Variants in AP2B1 observed in about 807,000 individuals in gnomAD.
AP2B1 encodes the protein adaptor related protein complex 2 subunit beta 1.
Under a neutral mutation model 102.0 loss-of-function variants are expected in AP2B1, and 23 were observed. The observed-to-expected ratio is 0.23, with a 90% CI of 0.16 to 0.32. The LOEUF is 0.32. Among genes scored for constraint, AP2B1 ranks in the 10% least tolerant of loss-of-function variants. The pLI, the probability that AP2B1 is intolerant of heterozygous loss-of-function variation, is 1.00. For synonymous variants in AP2B1, 381 were observed against 421.2 expected (o/e 0.90, Z 1.17); for missense variants, 541 against 1,157.4 (o/e 0.47, Z 7.73).
chr17:35,658,453 T>G (rs887768061), intron 14 of AP2B1, among the ~76,000 whole-genome samples: 3 of 152,084 alleles, frequency 2.0e-5, no homozygotes, highest in Non-Finnish European at 4.4e-5. Flanking sequence ...CTGCGAACAT[T>G]TGCCACCAAT....
chr17:35,641,831 A>T, intron 11 of AP2B1, 46 bp from the exon 12 acceptor site: 2 of 1,397,934 alleles, frequency 1.4e-6, no homozygotes, highest in Non-Finnish European at 2.0e-6. Flanking sequence ...GCAGGGAATA[A>T]TGCCAGTGCC....
At chr17:35,625,081 G>T (rs549237262) in intron 6 of AP2B1, among the ~76,000 whole-genome samples, 87 of 152,288 alleles carry the variant, frequency 5.7e-4, no homozygotes, top group African/African-American at 2.0e-3. Flanking sequence ...CACCTAGATT[G>T]TTCTGCTCAG....
Position 35,624,560 on chromosome 17 carries a change from A to G in AP2B1, c.689A>G (p.Asn230Ser), listed in dbSNP as rs1248410459. The G allele has an allele frequency of 1.9e-6, 3 of 1,613,062 alleles. No individual in the cohort carries two copies. The highest frequency in any genetic ancestry group is 1.3e-5 in the African/African-American group (1 of 74,836). The change falls in exon 6 of 22, where the codon AAC becomes AGC. Residue 230 changes from asparagine to serine, a missense_variant. By Grantham distance (46) the Asn-to-Ser change is conservative. This residue lies in a region of AP2B1 where 134 missense variants were observed against 250.2 expected (regional missense o/e 0.54). Transcript: ENST00000610402. ...ATCCTGGACTGCCTGTCTAATTACA[A>G]CCCTAAAGATGATCGGGAGGCTCAG... ...IFILDCLSNY[N>S]PKDDREAQSI... is the part of the protein sequence containing the mutation.
chr17:35,627,533 T>C (rs1401319100), intron 8 of AP2B1, 28 bp downstream of exon 8: 2 of 1,613,918 alleles, frequency 1.2e-6, no homozygotes, highest in South Asian at 2.2e-5. Flanking sequence ...CTCAAGTTGA[T>C]GATGATTTAG....
intron 21 of AP2B1, among the ~76,000 whole-genome samples, chr17:35,720,573 A>ATATATATATATATTTT (rs1324333805): frequency 3.6e-5 from 1 of 28,068 alleles, no homozygotes; most frequent in Non-Finnish European, 6.2e-5. Context: ...ATATATATAT[A>ATATATATATATATTTT]TTTTTTTTTT....
At chr17:35,592,506 C>T (rs2073132294) in intron 1 of AP2B1, among the ~76,000 whole-genome samples, 4 of 151,920 alleles carry the variant, frequency 2.6e-5, no homozygotes, top group Admixed American at 2.6e-4. Flanking sequence ...GTACATGCCA[C>T]CATGCCTGAG....
At chr17:35,638,079 A>G (rs913045723) in intron 10 of AP2B1, among the ~76,000 whole-genome samples, 5 of 152,068 alleles carry the variant, frequency 3.3e-5, no homozygotes, top group African/African-American at 1.2e-4. Context: ...GGCTTAAGTG[A>G]TCCTCTTGCC....
chr17:35,679,049 T>C (rs1237633347), intron 17 of AP2B1, among the ~76,000 whole-genome samples: 2 of 152,232 alleles, frequency 1.3e-5, no homozygotes, highest in African/African-American at 4.8e-5. Flanking sequence ...TTTTTTATAA[T>C]AGGGCTTTGA....
intron 18 of AP2B1, among the ~76,000 whole-genome samples, chr17:35,704,955 C>CG (rs1002175387): frequency 4.6e-5 from 7 of 151,660 alleles, no homozygotes; most frequent in Admixed American, 6.6e-5. Context: ...CGCTTGAACC[C>CG]GGGGGGCGGA....
At chr17:35,702,999 G>A (rs1442282320) in intron 18 of AP2B1, among the ~76,000 whole-genome samples, 6 of 152,142 alleles carry the variant, frequency 3.9e-5, no homozygotes, top group Non-Finnish European at 8.8e-5. Flanking sequence ...TGGGCCGGGC[G>A]CGGTGGCTCA....
chr17:35,634,333 G>C (rs147193033), intron 9 of AP2B1, among the ~76,000 whole-genome samples: 11 of 152,230 alleles, frequency 7.2e-5, no homozygotes, highest in African/African-American at 2.2e-4. Flanking sequence ...AAATCTAGAG[G>C]CTTGGTAATT....
At chr17:35,648,741 TAA>T (rs1248850285) in intron 12 of AP2B1, among the ~76,000 whole-genome samples, 14 of 96,622 alleles carry the variant, frequency 1.4e-4, no homozygotes, top group Admixed American at 9.7e-4. Flanking sequence ...TTATATGAAA[TAA>T]GTGTGTGTGT....
chr17:35,660,356 T>C (rs745823882), intron 14 of AP2B1, among the ~76,000 whole-genome samples: 19 of 152,204 alleles, frequency 1.2e-4, no homozygotes, highest in Non-Finnish European at 2.1e-4. Flanking sequence ...CTGAAGCTGC[T>C]GGTCCATGGG....
intron 18 of AP2B1, among the ~76,000 whole-genome samples, chr17:35,700,721 G>C (rs2076223696): frequency 6.6e-6 from 1 of 152,222 alleles, no homozygotes; most frequent in Non-Finnish European, 1.5e-5. Context: ...ACCATAAAGA[G>C]ATTGTAGCTC....
chr17:35,720,573 ATTTTTTTTTTTT>A (rs1208973388), intron 21 of AP2B1, among the ~76,000 whole-genome samples: 19 of 28,054 alleles, frequency 6.8e-4, no homozygotes, highest in African/African-American at 1.9e-3. Flanking sequence ...ATATATATAT[ATTTTTTTTTTTT>A]TTTTTTTTTT....
chr17:35,721,408 T>A (rs2085387997), intron 21 of AP2B1, among the ~76,000 whole-genome samples: 1 of 152,154 alleles, frequency 6.6e-6, no homozygotes, highest in Non-Finnish European at 1.5e-5. Context: ...GAATTAGCAG[T>A]TGGAAAGTTA....
intron 18 of AP2B1, among the ~76,000 whole-genome samples, chr17:35,688,127 C>G (rs1451680742): frequency 6.6e-6 from 1 of 152,210 alleles, no homozygotes; most frequent in Admixed American, 6.5e-5. Context: ...CCTGGAGATT[C>G]ATTCCCTTCA....
chr17:35,621,644 A>G (rs996599477), intron 5 of AP2B1, among the ~76,000 whole-genome samples: 1 of 152,202 alleles, frequency 6.6e-6, no homozygotes, highest in Non-Finnish European at 1.5e-5. Flanking sequence ...TAATGTCATG[A>G]TAAGTGGCAA....
intron 17 of AP2B1, among the ~76,000 whole-genome samples, chr17:35,680,782 C>T (rs866371555): frequency 1.3e-5 from 2 of 150,216 alleles, no homozygotes; most frequent in African/African-American, 2.4e-5. Context: ...CTGCAACTTC[C>T]GCCTCCCGGG....
Sources: allele counts gnomAD v4.1 joint callset (sites outside exome capture counted in the v4.1 genomes callset), GRCh38; gene constraint gnomAD v4.1.1; regional missense constraint gnomAD v4.1.1; transcripts MANE v1.5; gene names NCBI Gene and HGNC (gene_info 2026-07-23, HGNC 2026-07-21).